Variants in METTL8 observed in about 807,000 individuals in gnomAD.
The protein encoded by METTL8 is methyltransferase 8, tRNA N3-cytidine.
Under a neutral mutation model 48.7 loss-of-function variants are expected in METTL8, and 32 were observed. The ratio of observed to expected loss-of-function variants is 0.66; its 90% CI spans 0.50 to 0.88. METTL8 has a LOEUF of 0.88. Ranked by LOEUF, METTL8 falls within the 40% of genes least tolerant of loss-of-function variation. The pLI, the probability that METTL8 is intolerant of heterozygous loss-of-function variation, is 0.00. For missense variants in METTL8, 464 were observed against 474.4 expected, an observed-to-expected ratio of 0.98 and a Z score of 0.20; for synonymous variants, 136 against 157.1, an observed-to-expected ratio of 0.87 and a Z score of 1.01.
chr2:171,358,906 T>C (rs1047044938), intron 3 of METTL8, among the ~76,000 whole-genome samples: 10 of 152,070 alleles, frequency 6.6e-5, no homozygotes, highest in African/African-American at 2.4e-4. Context: ...AAGAATATAT[T>C]TGCAAACTAC....
rs1052940842 is a variant in METTL8 at position 171,392,248 on chromosome 2, G to A, written c.-12-51C>T. The stretch of plus-strand genomic sequence containing the variant: ...GTCAACATAGATTAAACAGTGTATT[G>A]TTTATCTAATACCCAAAACCTGGTT... On this transcript the variant is annotated intron_variant, in intron 1 of 9. Coordinates refer to ENST00000375258, the MANE Select transcript of METTL8 (RefSeq NM_001321154.2). The A allele has an allele frequency of 1.4e-5, 20 of 1,451,160 alleles. No individual in the cohort carries two copies. The Admixed American group carries it at 1.8e-4, about 13-fold the overall frequency. 89.9% of individuals were successfully genotyped at this position (1,451,160 alleles called of 1,614,324 possible). A position where few individuals can be genotyped will look rare whatever the true frequency, so the allele number is the denominator to read the frequency against.
At chr2:171,427,184 C>T (rs1466484748) in intron 1 of METTL8, among the ~76,000 whole-genome samples, 1 of 152,112 alleles carries the variant, frequency 6.6e-6, no homozygotes, top group Non-Finnish European at 1.5e-5. Context: ...ATCAGAAGTC[C>T]TATCAACTCT....
At chr2:171,357,770 C>A (rs1279710039) in intron 3 of METTL8, among the ~76,000 whole-genome samples, 2 of 151,992 alleles carry the variant, frequency 1.3e-5, no homozygotes, top group Non-Finnish European at 2.9e-5. Context: ...TTACAGCTTA[C>A]TGCAGCCTCA....
At chr2:171,397,168 C>G (rs1407534566) in intron 1 of METTL8, among the ~76,000 whole-genome samples, 1 of 150,752 alleles carries the variant, frequency 6.6e-6, no homozygotes, top group Non-Finnish European at 1.5e-5. Flanking sequence ...AAATTAGACC[C>G]AAAGTAAGTA....
At chr2:171,399,622 G>A (rs996243575) in intron 1 of METTL8, among the ~76,000 whole-genome samples, 3 of 152,074 alleles carry the variant, frequency 2.0e-5, no homozygotes, top group Non-Finnish European at 4.4e-5. Context: ...CCACTAAAAT[G>A]GGATCCTTTT....
intron 2 of METTL8, among the ~76,000 whole-genome samples, chr2:171,381,119 T>A (rs1687487412): frequency 6.6e-6 from 1 of 152,152 alleles, no homozygotes; most frequent in Non-Finnish European, 1.5e-5. Flanking sequence ...TCTACAACTA[T>A]CTGATCTTCA....
intron 2 of METTL8, among the ~76,000 whole-genome samples, chr2:171,378,612 C>T (rs991006139): frequency 6.6e-6 from 1 of 151,872 alleles, no homozygotes; most frequent in Non-Finnish European, 1.5e-5. Context: ...GCCTGGGTGA[C>T]AGAGCGAGAC....
At chr2:171,359,893 G>C (rs1198483116) in intron 3 of METTL8, among the ~76,000 whole-genome samples, 2 of 152,074 alleles carry the variant, frequency 1.3e-5, no homozygotes, top group Admixed American at 6.6e-5. Context: ...GCCGGCTCCT[G>C]AGTTTTTTTG....
chr2:171,321,661 T>G lies in METTL8; in HGVS notation c.*2511A>C, dbSNP rs1684527607. 2.6e-5 allele frequency: 4 copies of G among 152,216 alleles called. No individual in the cohort carries two copies. The highest frequency in any genetic ancestry group is 9.6e-5 in the African/African-American group (4 of 41,456). 9.4% of individuals were successfully genotyped at this position (152,216 alleles called of 1,614,324 possible). The stretch of plus-strand genomic sequence containing the variant: ...TTATTCTAGGTTCTGTGGTTCATAA[T>G]CAAAGTCTGCTAGCTGGTAAGTTCC... On this transcript the variant is annotated 3_prime_UTR_variant, in exon 10 of 10. Transcript: ENST00000375258.
At chr2:171,347,074 C>T (rs1427909100) in intron 3 of METTL8, among the ~76,000 whole-genome samples, 1 of 152,208 alleles carries the variant, frequency 6.6e-6, no homozygotes, top group Non-Finnish European at 1.5e-5. Flanking sequence ...GGTCCCCTGA[C>T]AGGTATAAAG....
intron 1 of METTL8, among the ~76,000 whole-genome samples, chr2:171,408,724 C>T (rs937237969): frequency 2.6e-5 from 4 of 152,154 alleles, no homozygotes; most frequent in Non-Finnish European, 5.9e-5. Context: ...CAGGATCTGC[C>T]ACTTACTACC....
At position 171,408,371 on chromosome 2, in the gene METTL8, C is replaced by T. The variant is rs547422109; in HGVS notation, c.-12-16174G>A. 4.2e-3 allele frequency among the ~76,000 whole-genome samples: 636 copies of T among 151,244 alleles called. 1 individual carries two copies. Among genetic ancestry groups the T allele is most frequent in the Non-Finnish European group, 7.3e-3 (493 of 67,780 alleles). ...GTGCAATGGCAAGATTTTGGCTCAC[C>T]GCAACCTCCGCCTCCCCAGTTCAAG... is the stretch of plus-strand genomic sequence containing the variant. On this transcript the variant is annotated intron_variant, in intron 1 of 9. Coordinates refer to ENST00000375258, the MANE Select transcript of METTL8 (RefSeq NM_001321154.2).
Position 171,352,322 on chromosome 2 carries a change from T to C in METTL8, c.235+8100A>G, listed in dbSNP as rs1185448730. Reference sequence around the variant, plus strand: ...CCCAGGGATGAAGCCCATTTGGTCATGGTGGATAAGCTTTTTGATGTGCTC... The same window carrying C: ...CCCAGGGATGAAGCCCATTTGGTCACGGTGGATAAGCTTTTTGATGTGCTC... On this transcript the variant is annotated intron_variant, in intron 3 of 9. Coordinates refer to ENST00000375258, the MANE Select transcript of METTL8 (RefSeq NM_001321154.2). Among the ~76,000 whole-genome samples the C allele has an allele frequency of 2.6e-5, 4 of 152,214 alleles. No homozygotes were observed. The East Asian group carries it at 7.7e-4, about 29-fold the overall frequency.
chr2:171,326,809 G>C (rs1685010877), intron 7 of METTL8, among the ~76,000 whole-genome samples: 1 of 152,098 alleles, frequency 6.6e-6, no homozygotes. Context: ...AAACAAATCT[G>C]CTTCCTAACA....
At chr2:171,350,613 C>T (rs1683804005) in intron 3 of METTL8, among the ~76,000 whole-genome samples, 2 of 152,192 alleles carry the variant, frequency 1.3e-5, no homozygotes, top group Non-Finnish European at 2.9e-5. Flanking sequence ...TCCACATCCT[C>T]TCCAGCACCT....
intron 2 of METTL8, among the ~76,000 whole-genome samples, chr2:171,372,033 G>C (rs1178566398): frequency 6.6e-6 from 1 of 151,928 alleles, no homozygotes. Flanking sequence ...CACAAACATA[G>C]AGCCAATGCC....
chr2:171,410,900 T>C (rs1690685514), intron 1 of METTL8, among the ~76,000 whole-genome samples: 1 of 152,360 alleles, frequency 6.6e-6, no homozygotes, highest in East Asian at 1.9e-4. Context: ...CAAATGATAG[T>C]ATCTTTAGAT....
At chr2:171,421,821 G>A (rs560157869) in intron 1 of METTL8, among the ~76,000 whole-genome samples, 6 of 152,120 alleles carry the variant, frequency 3.9e-5, no homozygotes, top group African/African-American at 1.2e-4. Flanking sequence ...TGGTATATGC[G>A]GGCATCCTGG....
At chr2:171,394,661 C>T (rs1688888693) in intron 1 of METTL8, among the ~76,000 whole-genome samples, 1 of 152,162 alleles carries the variant, frequency 6.6e-6, no homozygotes, top group African/African-American at 2.4e-5. Flanking sequence ...TATGCACAGC[C>T]TTGCATTGCT....
Sources: gnomAD v4.1 joint callset for allele counts (sites outside exome capture counted in the v4.1 genomes callset) on GRCh38, gnomAD v4.1.1 for gene constraint, MANE v1.5 for transcripts, NCBI Gene and HGNC (gene_info 2026-07-23, HGNC 2026-07-21) for gene names.